ADCY5: variants seen among roughly 807,000 people sequenced by gnomAD.
The protein encoded by ADCY5 is adenylate cyclase type 5.
Under a neutral mutation model 119.7 loss-of-function variants are expected in ADCY5, and 30 were observed. The observed-to-expected ratio is 0.25, with a 90% CI of 0.19 to 0.34. The LOEUF is 0.34. ADCY5 is among the 10% of genes least tolerant of loss of function. The probability of loss-of-function intolerance (pLI) is 1.00; values close to 1 mark genes in which losing one functional copy is unlikely to be tolerated. For missense variants in ADCY5, 1,324 were observed against 1,775.2 expected (o/e 0.75, Z 4.57); for synonymous variants, 753 against 762.2 (o/e 0.99, Z 0.20).
intron 1 of ADCY5, chr3:123,367,891 A>G (rs1452892763): frequency 2.0e-6 from 3 of 1,532,094 alleles, no homozygotes; most frequent in African/African-American, 2.8e-5. Flanking sequence ...ACTGCCACCA[A>G]GTGCTTACCT....
intron 8 of ADCY5, among the ~76,000 whole-genome samples, chr3:123,322,927 G>A (rs1174383837): frequency 6.6e-6 from 1 of 152,194 alleles, no homozygotes; most frequent in Non-Finnish European, 1.5e-5. Flanking sequence ...TCAGTGGACT[G>A]TTTCTCATAA....
Position 123,448,293 on chromosome 3 carries a change from C to G in ADCY5, c.253G>C (p.Gly85Arg), listed in dbSNP as rs764919392. The G allele has an allele frequency of 6.5e-7, 1 of 1,534,106 alleles. No individual in the cohort carries two copies. The highest frequency in any genetic ancestry group is 8.7e-7 in the Non-Finnish European group (1 of 1,150,866). ...SDDDDDPPLS[G>R]DDPLAGGFGF... is the part of the protein sequence containing the mutation. ...AAGCCCCCGGCCAGGGGGTCGTCAC[C>G]GCTCAGCGGAGGATCGTCGTCGTCG... Residue 85 changes from glycine (G) to arginine (R), a missense_variant, in exon 1 of 21, where the codon GGT becomes CGT. Physicochemically the swap from Gly to Arg is moderately radical, Grantham distance 125 (BLOSUM62 -2). Transcript: ENST00000462833.
At chr3:123,294,564 C>G (rs538261766) in intron 17 of ADCY5, among the ~76,000 whole-genome samples, 2 of 152,304 alleles carry the variant, frequency 1.3e-5, no homozygotes, top group South Asian at 4.1e-4. Context: ...AAGGCTCAGC[C>G]TGAGTCTGGA....
At chr3:123,318,158 G>A in intron 10 of ADCY5, 41 bp from the exon 11 acceptor site, 1 of 1,529,482 alleles carries the variant, frequency 6.5e-7, no homozygotes, top group Non-Finnish European at 9.0e-7. Context: ...CAAGGTACCT[G>A]GCCCGGTCTG....
intron 18 of ADCY5, among the ~76,000 whole-genome samples, chr3:123,290,472 G>A (rs373618549): frequency 3.3e-5 from 5 of 152,150 alleles, no homozygotes; most frequent in East Asian, 1.9e-4. Flanking sequence ...CAGGCCCGGC[G>A]TGCCCGCTGG....
intron 1 of ADCY5, among the ~76,000 whole-genome samples, chr3:123,373,520 AG>A (rs1943707819): frequency 6.6e-6 from 1 of 151,932 alleles, no homozygotes; most frequent in Non-Finnish European, 1.5e-5. Context: ...CCCCATCCAT[AG>A]GGTCTCACAG....
At chr3:123,431,325 C>T (rs1413518096) in intron 1 of ADCY5, among the ~76,000 whole-genome samples, 1 of 152,166 alleles carries the variant, frequency 6.6e-6, no homozygotes, top group Non-Finnish European at 1.5e-5. Context: ...ATCCCCCCTA[C>T]TCAGGAGGCT....
At chr3:123,320,910 G>T in intron 8 of ADCY5, 139 bp from the exon 9 acceptor site, 1 of 670,990 alleles carries the variant, frequency 1.5e-6, no homozygotes. Flanking sequence ...TCATTCAGCA[G>T]CTCCTTTCCT....
chr3:123,335,684 A>G (rs1187443868), intron 3 of ADCY5, among the ~76,000 whole-genome samples: 4 of 152,156 alleles, frequency 2.6e-5, no homozygotes, highest in Admixed American at 2.6e-4. Flanking sequence ...GGTCACTCTC[A>G]GCAGCTTCTC....
intron 1 of ADCY5, among the ~76,000 whole-genome samples, chr3:123,435,285 C>CA (rs1157191959): frequency 1.3e-5 from 2 of 152,004 alleles, no homozygotes; most frequent in Non-Finnish European, 2.9e-5. Flanking sequence ...GACCCTGTCT[C>CA]AAAAAATAAA....
chr3:123,397,649 T>C (rs1017577095), intron 1 of ADCY5, among the ~76,000 whole-genome samples: 2 of 152,176 alleles, frequency 1.3e-5, no homozygotes, highest in African/African-American at 4.8e-5. Flanking sequence ...TTTTCAAAGC[T>C]CATGTCTGGA....
intron 1 of ADCY5, among the ~76,000 whole-genome samples, chr3:123,410,853 G>A (rs1377119988): frequency 6.6e-6 from 1 of 152,040 alleles, no homozygotes; most frequent in Non-Finnish European, 1.5e-5. Flanking sequence ...TCACTATGTT[G>A]CCCAGGCTGC....
At chr3:123,331,671 T>A (rs1941768323) in intron 4 of ADCY5, among the ~76,000 whole-genome samples, 2 of 152,014 alleles carry the variant, frequency 1.3e-5, no homozygotes, top group African/African-American at 4.8e-5. Flanking sequence ...CGATAGAATA[T>A]CAGTAATCAT....
chr3:123,408,347 T>G (rs935160324), intron 1 of ADCY5, among the ~76,000 whole-genome samples: 71 of 141,106 alleles, frequency 5.0e-4, no homozygotes, highest in South Asian at 9.1e-4. Flanking sequence ...CGTTTTTTGT[T>G]TTTTTTTTTT....
At chr3:123,436,323 A>G (rs1213841093) in intron 1 of ADCY5, among the ~76,000 whole-genome samples, 2 of 152,036 alleles carry the variant, frequency 1.3e-5, no homozygotes, top group African/African-American at 4.8e-5. Flanking sequence ...CAGTAAGCCA[A>G]GATCATACCA....
At chr3:123,348,037 G>GTA (rs1942648046) in intron 2 of ADCY5, 134 bp from the exon 3 acceptor site, 3 of 471,086 alleles carry the variant, frequency 6.4e-6, no homozygotes, top group South Asian at 2.2e-5. Flanking sequence ...TGGGTTAACA[G>GTA]TGTGTGTGTG....
intron 14 of ADCY5, 50 bp from the exon 15 acceptor site, chr3:123,300,345 G>GGGCCCT (rs750020178): frequency 9.5e-6 from 15 of 1,585,110 alleles, no homozygotes; most frequent in South Asian, 5.7e-5. Context: ...GCCCGACCCC[G>GGGCCCT]GGCCCTGGCC....
intron 1 of ADCY5, 122 bp downstream of exon 1, chr3:123,447,290 G>A (rs755418794): frequency 1.6e-5 from 18 of 1,157,582 alleles, no homozygotes; most frequent in African/African-American, 7.8e-5. Context: ...CTACATGGCC[G>A]AGCCCTGTCT....
intron 16 of ADCY5, 72 bp downstream of exon 16, chr3:123,297,281 G>T: frequency 6.4e-7 from 1 of 1,574,474 alleles, no homozygotes; most frequent in Non-Finnish European, 8.7e-7. Flanking sequence ...TCCCACCTGG[G>T]CACCAGCTGC....
Sources: allele counts gnomAD v4.1 joint callset (sites outside exome capture counted in the v4.1 genomes callset), GRCh38; gene constraint gnomAD v4.1.1; transcripts MANE v1.5; gene names NCBI Gene and HGNC (gene_info 2026-07-23, HGNC 2026-07-21).